MDGA2: variants seen among roughly 807,000 people sequenced by gnomAD.
MDGA2 encodes the protein MAM domain-containing glycosylphosphatidylinositol anchor protein 2.
MDGA2 carries 40 observed loss-of-function variants against 117.8 expected under a neutral mutation model. That is an observed-to-expected ratio of 0.34 (90% CI 0.26 to 0.44). The LOEUF (loss-of-function observed/expected upper bound fraction) is 0.44, where lower values mean the gene tolerates loss of function less well. MDGA2 is among the 20% of genes least tolerant of loss of function. The pLI is 1.00. For missense variants in MDGA2, 1,123 were observed against 1,250.6 expected (o/e 0.90, Z 1.54); for synonymous variants, 452 against 439.0 (o/e 1.03, Z -0.37).
chr14:46,855,123 C>A lies in MDGA2; in HGVS notation c.2784G>T (p.Gly928=), dbSNP rs768577267. The change falls in exon 15 of 17, where the codon GGG becomes GGT. Residue 928 remains glycine, a synonymous_variant. Transcript: ENST00000399232. This position sits in a 1 kb window ranked among gnomAD's most constrained non-coding sequence, Gnocchi z 4.1. ...ACAGTGGATTCTCTATTGTTGTTTG[C>A]CCTTTCAAACGTAGATAAACATTTA... ...GVLNVYLRLK[G]QTTIENPLWS... 1 of 1,608,948 alleles carries A rather than the reference C, an allele frequency of 6.2e-7. No individual in the cohort carries two copies. The highest frequency in any genetic ancestry group is 2.2e-5 in the East Asian group (1 of 44,512).
chr14:47,370,145 G>T (rs1278919659), intron 1 of MDGA2, among the ~76,000 whole-genome samples: 1 of 151,610 alleles, frequency 6.6e-6, no homozygotes, highest in South Asian at 2.1e-4. Context: ...ATTCAATAAT[G>T]CATTCAACAG....
chr14:47,389,612 A>ACC (rs1555378662), intron 1 of MDGA2, among the ~76,000 whole-genome samples: 3 of 147,680 alleles, frequency 2.0e-5, no homozygotes, highest in African/African-American at 7.6e-5. Context: ...ACACCCACAC[A>ACC]CACACACACA....
chr14:46,910,842 G>T (rs1017868436), intron 10 of MDGA2, among the ~76,000 whole-genome samples: 1 of 152,074 alleles, frequency 6.6e-6, no homozygotes, highest in East Asian at 1.9e-4. Flanking sequence ...TATCCTTTGC[G>T]GGGACACGGA....
chr14:47,154,274 G>A lies in MDGA2; in HGVS notation c.596-10000C>T, dbSNP rs371306734. ...TTTAGTAAATAATTATTATTTTAGTGTTATACTTTGATGGCAGCAGTGGCC... is the reference window on the plus strand; with the variant it reads ...TTTAGTAAATAATTATTATTTTAGTATTATACTTTGATGGCAGCAGTGGCC... On this transcript the variant is annotated intron_variant, in intron 3 of 16. Transcript: ENST00000399232. Among the ~76,000 whole-genome samples the A allele has an allele frequency of 6.1e-4, 93 of 152,312 alleles. 1 individual carries two copies. Among genetic ancestry groups the A allele is most frequent in the African/African-American group, 2.1e-3 (88 of 41,568 alleles).
intron 1 of MDGA2, among the ~76,000 whole-genome samples, chr14:47,551,170 G>A (rs553357207): frequency 6.6e-6 from 1 of 152,004 alleles, no homozygotes; most frequent in Admixed American, 6.5e-5. Context: ...TAATTAAGAG[G>A]ATAATATTGT....
intron 6 of MDGA2, among the ~76,000 whole-genome samples, chr14:47,094,242 T>C (rs1371569694): frequency 6.6e-6 from 1 of 152,020 alleles, no homozygotes; most frequent in East Asian, 1.9e-4. Context: ...GGCAATATAA[T>C]ATGATTATGC....
chr14:47,339,803 A>T (rs1319670273), intron 1 of MDGA2, among the ~76,000 whole-genome samples: 2 of 152,164 alleles, frequency 1.3e-5, no homozygotes, highest in Non-Finnish European at 2.9e-5. Flanking sequence ...CAACACAAAC[A>T]GACTAAGACA....
intron 2 of MDGA2, among the ~76,000 whole-genome samples, chr14:47,293,517 T>C (rs1014246780): frequency 2.0e-5 from 3 of 152,230 alleles, no homozygotes; most frequent in African/African-American, 2.4e-5. Context: ...ACCTACTTTG[T>C]TGAGTTAAAT....
intron 4 of MDGA2, among the ~76,000 whole-genome samples, chr14:47,134,985 T>A (rs1016026767): frequency 6.6e-6 from 1 of 152,092 alleles, no homozygotes. Flanking sequence ...AATTATACTC[T>A]GTCAGTCCTT....
At chr14:47,006,079 C>T (rs2138511483) in intron 8 of MDGA2, among the ~76,000 whole-genome samples, 1 of 151,562 alleles carries the variant, frequency 6.6e-6, no homozygotes. Flanking sequence ...TGGAACATAA[C>T]AGTAAGTTCA....
At chr14:46,957,718 G>A in intron 8 of MDGA2, 75 bp from the exon 9 acceptor site, 1 of 1,508,928 alleles carries the variant, frequency 6.6e-7, no homozygotes, top group Non-Finnish European at 9.1e-7. Context: ...ATTAGAAGAA[G>A]CCATTTGCAG....
intron 1 of MDGA2, among the ~76,000 whole-genome samples, chr14:47,394,003 C>T (rs1173425555): frequency 1.3e-5 from 2 of 152,078 alleles, no homozygotes; most frequent in African/African-American, 4.8e-5. Context: ...TTTGTTTAAT[C>T]ATGTTCTCCA....
At chr14:47,288,952 T>G (rs1030860260) in intron 2 of MDGA2, among the ~76,000 whole-genome samples, 1 of 152,156 alleles carries the variant, frequency 6.6e-6, no homozygotes, top group East Asian at 1.9e-4. Context: ...GAGCGTAATT[T>G]AGAATAAATG....
chr14:46,953,932 C>T (rs1357700195), intron 9 of MDGA2, among the ~76,000 whole-genome samples: 3 of 152,064 alleles, frequency 2.0e-5, no homozygotes, highest in African/African-American at 7.2e-5. Context: ...ATCTCTGGTG[C>T]TGTCAACCGA....
chr14:46,988,791 G>A (rs1886964771), intron 8 of MDGA2, among the ~76,000 whole-genome samples: 1 of 152,070 alleles, frequency 6.6e-6, no homozygotes, highest in African/African-American at 2.4e-5. Flanking sequence ...GCAGGAATGA[G>A]ATGTATTTCA....
At chr14:47,435,220 G>A (rs1194823568) in intron 1 of MDGA2, among the ~76,000 whole-genome samples, 2 of 152,096 alleles carry the variant, frequency 1.3e-5, no homozygotes, top group African/African-American at 4.8e-5. Context: ...ACCATGCTTA[G>A]TTCTAGTGAA....
chr14:46,934,644 A>T (rs1188322029), intron 9 of MDGA2, among the ~76,000 whole-genome samples: 2 of 152,284 alleles, frequency 1.3e-5, no homozygotes, highest in East Asian at 3.9e-4. Flanking sequence ...CTGGCATTCA[A>T]ACTGAGAGGT....
chr14:46,843,833 GC>G (rs1441713912), intron 16 of MDGA2, among the ~76,000 whole-genome samples: 2 of 152,046 alleles, frequency 1.3e-5, no homozygotes, highest in African/African-American at 4.8e-5. Context: ...AGATTTTCAT[GC>G]TTTTGTATGT....
intron 1 of MDGA2, among the ~76,000 whole-genome samples, chr14:47,373,004 T>G (rs1228136352): frequency 6.6e-6 from 1 of 152,022 alleles, no homozygotes; most frequent in Non-Finnish European, 1.5e-5. Context: ...TATTATCCCA[T>G]TTTTAAAAAT....
Sources: gnomAD v4.1 joint callset for allele counts (sites outside exome capture counted in the v4.1 genomes callset) on GRCh38, gnomAD v4.1.1 for gene constraint, Gnocchi (gnomAD v3.1) non-coding constraint, MANE v1.5 for transcripts, NCBI Gene and HGNC (gene_info 2026-07-23, HGNC 2026-07-21) for gene names.